Variants in ADGRL2 observed in about 807,000 individuals in gnomAD.
The protein encoded by ADGRL2 is adhesion G protein-coupled receptor L2.
ADGRL2 carries 44 observed loss-of-function variants against 157.4 expected under a neutral mutation model. The observed-to-expected ratio is 0.28, with a 90% CI of 0.22 to 0.36. ADGRL2 has a LOEUF of 0.36. Ranked by LOEUF, ADGRL2 falls within the 10% of genes least tolerant of loss-of-function variation. The pLI is 1.00. For missense variants in ADGRL2, 1,510 were observed against 1,768.9 expected (o/e 0.85, Z 2.63); for synonymous variants, 585 against 624.7 (o/e 0.94, Z 0.95).
chr1:81,690,973 G>T (rs1035743751), intron 3 of ADGRL2, among the ~76,000 whole-genome samples: 1 of 152,178 alleles, frequency 6.6e-6, no homozygotes, highest in Non-Finnish European at 1.5e-5. Flanking sequence ...TGGTTGTTCT[G>T]GTACTGCTTC....
intron 2 of ADGRL2, among the ~76,000 whole-genome samples, chr1:81,523,537 GA>G (rs2079375593): frequency 6.6e-6 from 1 of 152,028 alleles, no homozygotes; most frequent in South Asian, 2.1e-4. Flanking sequence ...ATGGGTAAAG[GA>G]AATGTACAGC....
intron 1 of ADGRL2, among the ~76,000 whole-genome samples, chr1:81,319,709 C>T (rs1282748099): frequency 1.3e-5 from 2 of 152,146 alleles, no homozygotes; most frequent in African/African-American, 4.8e-5. Context: ...CTTCTTAGAA[C>T]AAGGCAATAA....
At chr1:81,871,631 G>A (rs1469087690) in intron 2 of ADGRL2, among the ~76,000 whole-genome samples, 1 of 152,060 alleles carries the variant, frequency 6.6e-6, no homozygotes, top group Non-Finnish European at 1.5e-5. Context: ...GCCATTCTAA[G>A]TGGTATGAGA....
rs940838804 is a variant in ADGRL2, at chr1:81,484,858, T to TA, written c.-248+39777dup. On this transcript the variant is annotated intron_variant, in intron 2 of 24. Transcript: ENST00000370721. ...TTACATACCTCAGGTACCCTTCCCA[T>TA]AAAAAAAATTTGCATGAAGTTAGTA... is the stretch of plus-strand genomic sequence containing the variant. Among the ~76,000 whole-genome samples, 7 of 152,082 alleles carry TA rather than the reference T, an allele frequency of 4.6e-5. No homozygotes were observed. The East Asian group carries it at 5.8e-4, about 13-fold the overall frequency.
At chr1:81,762,171 T>A (rs12066641) in intron 2 of ADGRL2, among the ~76,000 whole-genome samples, 20,821 of 152,140 alleles carry the variant, frequency 0.14, 1,667 homozygotes, top group Admixed American at 0.18. Context: ...TAGAAATAAA[T>A]GTGGTTTATA....
intron 1 of ADGRL2, among the ~76,000 whole-genome samples, chr1:81,399,481 TA>T (rs2101229873): frequency 6.6e-6 from 1 of 152,094 alleles, no homozygotes; most frequent in East Asian, 1.9e-4. Flanking sequence ...TATTCTTTCT[TA>T]TTTCCTTTTT....
chr1:81,699,800 A>G (rs1438421927), exon 1 of ADGRL2: 1 of 152,208 alleles, frequency 6.6e-6, no homozygotes, highest in Non-Finnish European at 1.5e-5. Context: ...CAGCATTACA[A>G]CTGATAAGGT....
intron 13 of ADGRL2, 29 bp downstream of exon 13, chr1:81,966,638 G>C: frequency 6.3e-7 from 1 of 1,594,646 alleles, no homozygotes; most frequent in South Asian, 1.1e-5. Context: ...ATGAAGTAAT[G>C]GAAGGTTATA....
intron 3 of ADGRL2, among the ~76,000 whole-genome samples, chr1:81,924,427 T>G (rs1291522894): frequency 6.6e-6 from 1 of 152,152 alleles, no homozygotes; most frequent in Non-Finnish European, 1.5e-5. Context: ...ATCAAGATTC[T>G]CAAAGTCTAC....
rs566284853 is a variant in ADGRL2 at position 81,967,753 on chromosome 1, A to G, written c.2350-273A>G. 9.8e-5 allele frequency among the ~76,000 whole-genome samples: 15 copies of G among 152,318 alleles called. No individual in the cohort carries two copies. In the South Asian group the frequency reaches 3.1e-3, roughly 32 times the overall value. On this transcript the variant is annotated intron_variant, in intron 13 of 23. Transcript: ENST00000686636. Reference sequence around the variant, plus strand: ...CAGAAAGGAAAAAAGATTCTAATGTACCATCAATTGTAAAATCATAAAATG... The same window carrying G: ...CAGAAAGGAAAAAAGATTCTAATGTGCCATCAATTGTAAAATCATAAAATG...
intron 3 of ADGRL2, among the ~76,000 whole-genome samples, chr1:81,679,005 A>C (rs576224978): frequency 1.3e-5 from 2 of 152,332 alleles, no homozygotes; most frequent in Non-Finnish European, 2.9e-5. Context: ...TTTATTAGGT[A>C]GCCACAGAAT....
chr1:81,922,627 A>G (rs1380322554), intron 3 of ADGRL2, among the ~76,000 whole-genome samples: 2 of 152,140 alleles, frequency 1.3e-5, no homozygotes, highest in Non-Finnish European at 2.9e-5. Context: ...TGGTATTACT[A>G]TGTTTCCAAA....
chr1:81,574,208 T>C (rs1160176638), intron 2 of ADGRL2, among the ~76,000 whole-genome samples: 1 of 150,062 alleles, frequency 6.7e-6, no homozygotes, highest in Non-Finnish European at 1.5e-5. Flanking sequence ...CAGTGAATAC[T>C]TATAGAAGTG....
intron 3 of ADGRL2, among the ~76,000 whole-genome samples, chr1:81,663,775 T>C (rs1243941236): frequency 1.3e-5 from 2 of 152,212 alleles, no homozygotes; most frequent in South Asian, 2.1e-4. Context: ...ATGCTAATCG[T>C]TAAAGTCATG....
chr1:81,809,605 C>T (rs1360769357), intron 1 of ADGRL2, among the ~76,000 whole-genome samples: 3 of 151,770 alleles, frequency 2.0e-5, no homozygotes, highest in South Asian at 2.1e-4. Flanking sequence ...ATCATACTAG[C>T]GAAGAAGGAT....
chr1:81,891,054 C>A (rs1571944515), intron 2 of ADGRL2, among the ~76,000 whole-genome samples: 1 of 151,890 alleles, frequency 6.6e-6, no homozygotes, highest in African/African-American at 2.4e-5. Context: ...AAAAGGGTTT[C>A]CAGTTCTTGT....
At chr1:81,328,506 C>CTT (rs561443820) in intron 1 of ADGRL2, among the ~76,000 whole-genome samples, 1 of 152,190 alleles carries the variant, frequency 6.6e-6, no homozygotes, top group African/African-American at 2.4e-5. Context: ...GATTAGGTCT[C>CTT]TTTTTTCTGT....
chr1:81,332,186 C>G (rs914655027), intron 1 of ADGRL2, among the ~76,000 whole-genome samples: 1 of 152,012 alleles, frequency 6.6e-6, no homozygotes, highest in South Asian at 2.1e-4. Flanking sequence ...TTCACTGAAG[C>G]GTAAATCACA....
At chr1:81,876,175 A>C (rs2093835881) in intron 2 of ADGRL2, among the ~76,000 whole-genome samples, 1 of 152,194 alleles carries the variant, frequency 6.6e-6, no homozygotes, top group Non-Finnish European at 1.5e-5. Context: ...AAATAAATAC[A>C]TTAAGAATGT....
Sources: allele counts gnomAD v4.1 joint callset (sites outside exome capture counted in the v4.1 genomes callset), GRCh38; gene constraint gnomAD v4.1.1; transcripts MANE v1.5; gene names NCBI Gene and HGNC (gene_info 2026-07-23, HGNC 2026-07-21).